Variants in DTHD1 observed in about 807,000 individuals in gnomAD.
DTHD1 encodes death domain-containing protein 1.
Under a neutral mutation model 74.8 loss-of-function variants are expected in DTHD1, and 59 were observed. That is an observed-to-expected ratio of 0.79 (90% CI 0.64 to 0.98). The LOEUF (loss-of-function observed/expected upper bound fraction) is 0.98. DTHD1 is among the 50% of genes least tolerant of loss of function. The pLI is 0.00. For missense variants in DTHD1, 1,051 were observed against 1,065.4 expected (o/e 0.99, Z 0.19); for synonymous variants, 365 against 371.1 (o/e 0.98, Z 0.19).
intron 8 of DTHD1, among the ~76,000 whole-genome samples, chr4:36,330,213 C>A (rs1460497503): frequency 6.6e-6 from 1 of 152,156 alleles, no homozygotes; most frequent in African/African-American, 2.4e-5. Flanking sequence ...TCTTTACCTC[C>A]ATCTAATACT....
intron 7 of DTHD1, among the ~76,000 whole-genome samples, chr4:36,314,842 A>G (rs964494574): frequency 6.9e-6 from 1 of 145,096 alleles, no homozygotes; most frequent in South Asian, 2.1e-4. Flanking sequence ...TTTACTGAGC[A>G]CTTACTGTGT....
rs995070572 is a variant in DTHD1, at chr4:36,343,617, C to G, written c.2514C>G (p.Leu838=). ...LRRSTIQLIK[L]KNPDDLTEQI... ...GTAGCACCATTCAGCTCATCAAACT[C>G]AAGAACCCTGATGATCTCACAGAAC... Residue 838 remains leucine, a synonymous_variant, in exon 10 of 10, where the codon CTC becomes CTG. Transcript: ENST00000639862. The G allele has an allele frequency of 4.5e-6, 7 of 1,551,790 alleles. No homozygotes were observed. The African/African-American group carries it at 9.6e-5, about 21-fold the overall frequency.
At chr4:36,317,038 T>G (rs1436532303) in intron 8 of DTHD1, among the ~76,000 whole-genome samples, 12 of 152,228 alleles carry the variant, frequency 7.9e-5, no homozygotes, top group Non-Finnish European at 1.8e-4. Flanking sequence ...GAAACAGGAC[T>G]TGGTGAATCT....
intron 5 of DTHD1, among the ~76,000 whole-genome samples, 169 bp downstream of exon 5, chr4:36,295,208 C>T (rs1408236027): frequency 1.3e-5 from 2 of 151,996 alleles, no homozygotes; most frequent in Admixed American, 6.6e-5. Flanking sequence ...ATAATTTTAG[C>T]TGTTATGGAT....
chr4:36,319,599 A>G (rs774624246), intron 8 of DTHD1, among the ~76,000 whole-genome samples: 1 of 152,230 alleles, frequency 6.6e-6, no homozygotes, highest in Non-Finnish European at 1.5e-5. Flanking sequence ...AAGAGGCGGT[A>G]AGGGCCTTAC....
At chr4:36,334,274 A>C (rs902857673) in intron 8 of DTHD1, among the ~76,000 whole-genome samples, 1 of 151,862 alleles carries the variant, frequency 6.6e-6, no homozygotes, top group African/African-American at 2.4e-5. Context: ...TCCAAGTGTG[A>C]GCTTCCCTTT....
chr4:36,302,042 T>C (rs556896043), intron 5 of DTHD1, among the ~76,000 whole-genome samples: 1 of 152,220 alleles, frequency 6.6e-6, no homozygotes, highest in East Asian at 1.9e-4. Flanking sequence ...GGGGCCAGGG[T>C]GCGGGGGCCC....
Position 36,346,677 on chromosome 4 carries a change from C to A in DTHD1, c.*2853C>A, listed in dbSNP as rs942803904. Among the ~76,000 whole-genome samples, 5 of 152,014 alleles carry A rather than the reference C, an allele frequency of 3.3e-5. No individual in the cohort carries two copies. Among genetic ancestry groups the A allele is most frequent in the Admixed American group, 2.0e-4 (3 of 15,250 alleles). ...ACCTGTATGGACCACATCAGAGATG[C>A]CTTGTTCGCTTTTGCTAATGCAAAG... On this transcript the variant is annotated 3_prime_UTR_variant, in exon 10 of 10. Coordinates refer to ENST00000639862, the MANE Select transcript of DTHD1 (RefSeq NM_001170700.3).
intron 8 of DTHD1, among the ~76,000 whole-genome samples, chr4:36,338,695 T>G (rs1759147486): frequency 6.6e-6 from 1 of 152,132 alleles, no homozygotes; most frequent in African/African-American, 2.4e-5. Context: ...ATTTGATTGT[T>G]TTTAACCTGT....
intron 5 of DTHD1, 87 bp from the exon 6 acceptor site, chr4:36,306,104 G>T (rs981241781): frequency 1.7e-6 from 2 of 1,203,114 alleles, no homozygotes; most frequent in Admixed American, 2.4e-5. Flanking sequence ...ATTGTTATTA[G>T]ATCATTCACA....
intron 5 of DTHD1, among the ~76,000 whole-genome samples, chr4:36,300,636 A>ATTATTCTAAATTTG (rs58088233): frequency 0.56 from 85,146 of 151,420 alleles, 24,282 homozygotes; most frequent in East Asian, 0.72. Context: ...TACACTAAAG[A>ATTATTCTAAATTTG]TTATTCTAAA....
Position 36,281,933 on chromosome 4 carries a change from C to T in DTHD1, c.175C>T (p.His59Tyr). The T allele has an allele frequency of 1.5e-6, 2 of 1,357,228 alleles. No homozygotes were observed. Among genetic ancestry groups the T allele is most frequent in the Non-Finnish European group, 1.9e-6 (2 of 1,046,776 alleles). 84.1% of individuals were successfully genotyped at this position (1,357,228 alleles called of 1,614,324 possible). ...GGGTCAGGAACTCAGCAGTGCCCTT[C>T]ACCAGCTGCTGGAGCACACCTCAGG... is the stretch of plus-strand genomic sequence containing the variant. The part of the protein sequence containing the change: ...FLGQELSSAL[H>Y]QLLEHTSGTL... Residue 59 changes from histidine to tyrosine, a missense_variant, in exon 1 of 10, where the codon CAC becomes TAC. His to Tyr is a moderately conservative substitution (Grantham distance 83). Coordinates refer to ENST00000639862, the MANE Select transcript of DTHD1 (RefSeq NM_001170700.3).
rs926164829 is a variant in DTHD1, at chr4:36,332,088, G to A, written c.2341-7024G>A. On this transcript the variant is annotated intron_variant, in intron 8 of 9. Transcript: ENST00000639862. Reference sequence around the variant, plus strand: ...CCTGAGGTCAGGAGTTCAAGGCTGAGGCAGGAGAATCACTTGAACCCGGGA... The same window carrying A: ...CCTGAGGTCAGGAGTTCAAGGCTGAAGCAGGAGAATCACTTGAACCCGGGA... Among the ~76,000 whole-genome samples the A allele has an allele frequency of 3.3e-5, 5 of 152,056 alleles. No homozygotes were observed. The South Asian group carries it at 1.0e-3, about 31-fold the overall frequency.
At chr4:36,316,674 A>G (rs1191772027) in intron 8 of DTHD1, among the ~76,000 whole-genome samples, 188 bp downstream of exon 8, 1 of 152,236 alleles carries the variant, frequency 6.6e-6, no homozygotes, top group East Asian at 1.9e-4. Context: ...CCTTTTGTTC[A>G]TATCAGCCTT....
intron 9 of DTHD1, among the ~76,000 whole-genome samples, chr4:36,343,045 C>T (rs1407041108): frequency 6.6e-6 from 1 of 151,908 alleles, no homozygotes; most frequent in Non-Finnish European, 1.5e-5. Context: ...GAGCCCAGCT[C>T]ACACGACTGC....
At chr4:36,306,161 A>G (rs1001651370) in intron 5 of DTHD1, 30 bp from the exon 6 acceptor site, 1 of 1,526,516 alleles carries the variant, frequency 6.6e-7, no homozygotes, top group Non-Finnish European at 8.9e-7. Context: ...TGTAAATTGT[A>G]CCAATATCTC....
At chr4:36,310,136 A>G (rs977843081) in intron 7 of DTHD1, among the ~76,000 whole-genome samples, 1 of 152,152 alleles carries the variant, frequency 6.6e-6, no homozygotes, top group African/African-American at 2.4e-5. Context: ...TGACTTTGCT[A>G]TTGTAAATAG....
intron 8 of DTHD1, among the ~76,000 whole-genome samples, chr4:36,324,851 G>C (rs1197930682): frequency 6.6e-6 from 1 of 152,202 alleles, no homozygotes; most frequent in Non-Finnish European, 1.5e-5. Flanking sequence ...GATGTTAAAT[G>C]CTAGGGCATT....
chr4:36,283,246 GGAGT>G (rs1017752159), intron 1 of DTHD1, among the ~76,000 whole-genome samples: 10 of 152,188 alleles, frequency 6.6e-5, no homozygotes, highest in Non-Finnish European at 1.3e-4. Context: ...GAATGATGAC[GGAGT>G]GAGAGATTAT....
Sources: gnomAD v4.1 joint callset for allele counts (sites outside exome capture counted in the v4.1 genomes callset) on GRCh38, gnomAD v4.1.1 for gene constraint, MANE v1.5 for transcripts, NCBI Gene and HGNC (gene_info 2026-07-23, HGNC 2026-07-21) for gene names.